The following ZNF33B variants were observed in gnomAD, a reference collection of about 807,000 sequenced individuals.
The protein encoded by ZNF33B is zinc finger protein 33B, also known as zinc finger protein 11b (KOX 2).
ZNF33B carries 29 observed loss-of-function variants against 45.8 expected under a neutral mutation model. The ratio of observed to expected loss-of-function variants is 0.63; its 90% CI spans 0.47 to 0.86. The LOEUF (loss-of-function observed/expected upper bound fraction) is 0.86. ZNF33B is among the 40% of genes least tolerant of loss of function. The pLI is 0.00. For missense variants in ZNF33B, 831 were observed against 909.9 expected (o/e 0.91, Z 1.12); for synonymous variants, 305 against 307.8 (o/e 0.99, Z 0.10).
At chr10:42,575,667 T>C (rs1353073010) in intron 1 of ZNF33B, among the ~76,000 whole-genome samples, 1 of 151,028 alleles carries the variant, frequency 6.6e-6, no homozygotes, top group Admixed American at 6.6e-5. Flanking sequence ...TAATTTAATT[T>C]CCCTGGTCGT....
chr10:42,602,988 A>G (rs1479683109), intron 4 of ZNF33B, among the ~76,000 whole-genome samples: 1 of 152,214 alleles, frequency 6.6e-6, no homozygotes, highest in Non-Finnish European at 1.5e-5. Flanking sequence ...CTAGGAAAGA[A>G]CTGCCAAAAG....
intron 2 of ZNF33B, 47 bp downstream of exon 2, chr10:42,636,873 C>T (rs1372204029): frequency 1.2e-6 from 2 of 1,613,118 alleles, no homozygotes; most frequent in African/African-American, 2.7e-5. Flanking sequence ...TTACAAATCT[C>T]ACAAAGTCCA....
At chr10:42,614,569 T>C (rs1838234266) in intron 4 of ZNF33B, among the ~76,000 whole-genome samples, 1 of 152,208 alleles carries the variant, frequency 6.6e-6, no homozygotes, top group Admixed American at 6.5e-5. Context: ...TTCTCTCTAC[T>C]ACCTCCCCAA....
rs762962191 is a variant in ZNF33B at position 42,612,229 on chromosome 10, G to T, written c.251-17530C>A. On this transcript the variant is annotated intron_variant, in intron 4 of 4. Coordinates refer to ENST00000359467, the MANE Select transcript of ZNF33B (RefSeq NM_006955.3). The stretch of plus-strand genomic sequence containing the variant: ...CCTGTTGACGTGGCAGGTTACAGAA[G>T]TTGATTTTTTTTTTTTTTTTTTTTG... Among the ~76,000 whole-genome samples, 137 of 120,880 alleles carry T rather than the reference G, an allele frequency of 1.1e-3. 2 individuals are homozygous for T. The highest frequency in any genetic ancestry group is 7.9e-3 in the Admixed American group (70 of 8,826). 79.3% of individuals were successfully genotyped at this position (120,880 alleles called of 152,430 possible). A position where few individuals can be genotyped will look rare whatever the true frequency, so the allele number is the denominator to read the frequency against.
chr10:42,614,831 G>GT (rs1351943976), intron 4 of ZNF33B, among the ~76,000 whole-genome samples: 2 of 152,024 alleles, frequency 1.3e-5, no homozygotes, highest in African/African-American at 4.8e-5. Flanking sequence ...GTGGGCACCT[G>GT]TAATCCCAGC....
Position 42,590,203 on chromosome 10 carries a change from T to C in ZNF33B, c.*2410A>G, listed in dbSNP as rs937742701. 1.2e-4 allele frequency: 13 copies of C among 111,424 alleles called. No individual in the cohort carries two copies. The highest frequency in any genetic ancestry group is 2.3e-4 in the Non-Finnish European group (13 of 57,626). 6.9% of individuals were successfully genotyped at this position (111,424 alleles called of 1,614,324 possible). A position where few individuals can be genotyped will look rare whatever the true frequency, so the allele number is the denominator to read the frequency against. ...GATCTGTAGTTTTCCTTTCTTGTAATGTTTTTGCCTGGCTTTGGTATTAGG... is the reference window on the plus strand; with the variant it reads ...GATCTGTAGTTTTCCTTTCTTGTAACGTTTTTGCCTGGCTTTGGTATTAGG... On this transcript the variant is annotated 3_prime_UTR_variant, in exon 5 of 5. Coordinates refer to ENST00000359467, the MANE Select transcript of ZNF33B (RefSeq NM_006955.3).
At chr10:42,611,436 C>T (rs1838092339) in intron 4 of ZNF33B, among the ~76,000 whole-genome samples, 1 of 152,108 alleles carries the variant, frequency 6.6e-6, no homozygotes, top group Non-Finnish European at 1.5e-5. Context: ...TATTCCTTTC[C>T]TCACACCATA....
In ZNF33B at chr10:42,594,245, A is replaced by G; in HGVS notation, c.705T>C (p.Asn235=). 6.2e-7 allele frequency: 1 copy of G among 1,613,808 alleles called. No homozygotes were observed. The highest frequency in any genetic ancestry group is 8.5e-7 in the Non-Finnish European group (1 of 1,179,932). Residue 235 remains asparagine, a synonymous_variant, in exon 5 of 5, where the codon AAT becomes AAC. Transcript: ENST00000359467. ...QETLLEKAVF[N]TRKRENAEEN... Reference sequence around the variant, plus strand: ...CTTCTGCATTCTCTCTCTTCCGTGTATTGAATACTGCCTTTTCAAGGAGGG... The same window carrying G: ...CTTCTGCATTCTCTCTCTTCCGTGTGTTGAATACTGCCTTTTCAAGGAGGG...
chr10:42,601,875 G>T (rs1837637114), intron 4 of ZNF33B, among the ~76,000 whole-genome samples: 1 of 144,390 alleles, frequency 6.9e-6, no homozygotes, highest in South Asian at 2.2e-4. Flanking sequence ...TGCAATCTTT[G>T]AACTGCCATT....
rs1837048207 is a variant in ZNF33B at position 42,590,036 on chromosome 10, A to G, written c.*2577T>C. 1 of 152,178 alleles carries G rather than the reference A, an allele frequency of 6.6e-6. No homozygotes were observed. The highest frequency in any genetic ancestry group is 6.5e-5 in the Admixed American group (1 of 15,278). The allele number at this position is 152,178 out of a possible 1,614,324, so 9.4% of individuals were successfully genotyped here. A position where few individuals can be genotyped will look rare whatever the true frequency, so the allele number is the denominator to read the frequency against. Reference sequence around the variant, plus strand: ...GGATTTTGTCAAATGCTTTTTCTGTACCTATTGATATGATCATATTTAATC... The same window carrying G: ...GGATTTTGTCAAATGCTTTTTCTGTGCCTATTGATATGATCATATTTAATC... On this transcript the variant is annotated 3_prime_UTR_variant, in exon 5 of 5. Transcript: ENST00000359467.
intron 4 of ZNF33B, chr10:42,605,384 T>C (rs1369782034): frequency 6.6e-6 from 1 of 151,906 alleles, no homozygotes; most frequent in Non-Finnish European, 1.5e-5. Context: ...GATTAACATA[T>C]GACTTCTCTT....
chr10:42,615,222 A>AT (rs1233873137), intron 4 of ZNF33B, among the ~76,000 whole-genome samples: 1 of 152,204 alleles, frequency 6.6e-6, no homozygotes, highest in Non-Finnish European at 1.5e-5. Context: ...TTCTAAGTAT[A>AT]TATCTGAAAT....
At chr10:42,621,989 T>C (rs1838613044) in intron 4 of ZNF33B, among the ~76,000 whole-genome samples, 1 of 152,142 alleles carries the variant, frequency 6.6e-6, no homozygotes, top group African/African-American at 2.4e-5. Context: ...TTCTGCAAAG[T>C]TGCAGGATAC....
At chr10:42,585,613 T>C (rs564082567), downstream of ZNF33B, among the ~76,000 whole-genome samples, 10 of 152,338 alleles carry the variant, frequency 6.6e-5, no homozygotes, top group East Asian at 1.7e-3. Flanking sequence ...AGTGTTCACA[T>C]GTAATCCTCC....
In ZNF33B at chr10:42,638,567, A is replaced by G; in HGVS notation, c.-138T>C. Reference sequence around the variant, plus strand: ...CCCACGCAAAACGTGAGACAAACAAAAGGAAAGGCGGAAACGCAGAAACGC... The same window carrying G: ...CCCACGCAAAACGTGAGACAAACAAGAGGAAAGGCGGAAACGCAGAAACGC... On this transcript the variant is annotated 5_prime_UTR_variant, in exon 1 of 5. Transcript: ENST00000359467. 1 of 474,508 alleles carries G rather than the reference A, an allele frequency of 2.1e-6. No individual in the cohort carries two copies. Among genetic ancestry groups the G allele is most frequent in the Non-Finnish European group, 4.2e-6 (1 of 237,380 alleles). The allele number at this position is 474,508 out of a possible 1,614,324, so 29.4% of individuals were successfully genotyped here. A position where few individuals can be genotyped will look rare whatever the true frequency, so the allele number is the denominator to read the frequency against.
At chr10:42,595,439 A>G (rs1353877902) in intron 4 of ZNF33B, among the ~76,000 whole-genome samples, 1 of 152,198 alleles carries the variant, frequency 6.6e-6, no homozygotes, top group Non-Finnish European at 1.5e-5. Flanking sequence ...ATCACAGAAA[A>G]TAAGACTTGT....
intron 1 of ZNF33B, among the ~76,000 whole-genome samples, chr10:42,577,306 C>T (rs1473085473): frequency 6.6e-6 from 1 of 152,120 alleles, no homozygotes; most frequent in African/African-American, 2.4e-5. Flanking sequence ...CTGGTGCCTC[C>T]TCCAGTCTTT....
chr10:42,604,117 A>G (rs760403474), intron 4 of ZNF33B, among the ~76,000 whole-genome samples: 1 of 152,240 alleles, frequency 6.6e-6, no homozygotes, highest in Non-Finnish European at 1.5e-5. Context: ...GAAGATCCAG[A>G]TATCAGACTT....
chr10:42,587,067 G>C (rs1477962004), downstream of ZNF33B, among the ~76,000 whole-genome samples: 6 of 152,162 alleles, frequency 3.9e-5, no homozygotes, highest in African/African-American at 1.4e-4. Flanking sequence ...AAAGGGCCTA[G>C]TGTGTTCTCT....
Sources: gnomAD v4.1 joint callset for allele counts (sites outside exome capture counted in the v4.1 genomes callset) on GRCh38, gnomAD v4.1.1 for gene constraint, MANE v1.5 for transcripts, NCBI Gene and HGNC (gene_info 2026-07-23, HGNC 2026-07-21) for gene names.